LDLRAD4: variants seen among roughly 807,000 people sequenced by gnomAD.
LDLRAD4 encodes the protein low-density lipoprotein receptor class A domain-containing protein 4.
Under a neutral mutation model 17.0 loss-of-function variants are expected in LDLRAD4, and 5 were observed. That is an observed-to-expected ratio of 0.29 (90% CI 0.15 to 0.62). LDLRAD4 has a LOEUF of 0.62. LDLRAD4 is among the 20% of genes least tolerant of loss of function. LDLRAD4 has a pLI of 0.84. For missense variants in LDLRAD4, 340 were observed against 424.7 expected (o/e 0.80, Z 1.75); for synonymous variants, 168 against 171.8 (o/e 0.98, Z 0.17).
At position 13,367,363 on chromosome 18, in the gene LDLRAD4, CA is replaced by C. The variant is rs2084133848; in HGVS notation, c.-382-19977del. On this transcript the variant is annotated intron_variant, in intron 1 of 5. Transcript: ENST00000359446. This position sits in a 1 kb window ranked among gnomAD's most constrained non-coding sequence, Gnocchi z 4.1. The stretch of plus-strand genomic sequence containing the variant: ...GCCTGGGAGATGAGGTCCCGCTGTG[CA>C]GAACACACGGGGACTGGCAGGCAGG... Among the ~76,000 whole-genome samples the C allele has an allele frequency of 6.6e-6, 1 of 151,952 alleles. No homozygotes were observed. The highest frequency in any genetic ancestry group is 1.5e-5 in the Non-Finnish European group (1 of 67,978).
intron 3 of LDLRAD4, among the ~76,000 whole-genome samples, chr18:13,517,664 G>A (rs1352909429): frequency 3.3e-5 from 5 of 152,216 alleles, no homozygotes; most frequent in South Asian, 2.1e-4. Flanking sequence ...ACAGGTGGGA[G>A]AATATTTCGC....
intron 2 of LDLRAD4, among the ~76,000 whole-genome samples, chr18:13,406,167 C>G (rs57438491): frequency 0.44 from 66,205 of 152,064 alleles, 16,541 homozygotes; most frequent in Non-Finnish European, 0.55. Flanking sequence ...CCTGGGCCCC[C>G]TGGGGAGCAC....
Position 13,328,646 on chromosome 18 carries a change from G to A in LDLRAD4, c.-383+50458G>A, listed in dbSNP as rs148658653. The stretch of plus-strand genomic sequence containing the variant: ...AGCGTCAACTTTGTATAAGGCTCTG[G>A]GCTATCTTATATGATTGTCACAATA... On this transcript the variant is annotated intron_variant, in intron 1 of 5. Coordinates refer to ENST00000359446, the Ensembl canonical transcript of LDLRAD4. Among the ~76,000 whole-genome samples the A allele has an allele frequency of 4.9e-3, 752 of 152,186 alleles. 2 individuals carry two copies. The highest frequency in any genetic ancestry group is 8.0e-3 in the Admixed American group (122 of 15,286).
chr18:13,397,326 G>A (rs1242547271), intron 2 of LDLRAD4, among the ~76,000 whole-genome samples: 1 of 152,102 alleles, frequency 6.6e-6, no homozygotes, highest in Non-Finnish European at 1.5e-5. Flanking sequence ...TGTATTTTTA[G>A]TAGAGACAGA....
chr18:13,607,236 C>A (rs940855069), intron 3 of LDLRAD4, among the ~76,000 whole-genome samples: 1 of 152,154 alleles, frequency 6.6e-6, no homozygotes, highest in Non-Finnish European at 1.5e-5. Context: ...AAAAGACTCA[C>A]CCTCTCTGAG....
intron 3 of LDLRAD4, among the ~76,000 whole-genome samples, chr18:13,536,109 A>G (rs1456168915): frequency 6.6e-6 from 1 of 152,144 alleles, no homozygotes; most frequent in Non-Finnish European, 1.5e-5. Flanking sequence ...CCTTTTCAAG[A>G]CTATTTTGGC....
chr18:13,243,347 T>C (rs2042763939), intron 1 of LDLRAD4, among the ~76,000 whole-genome samples: 1 of 152,106 alleles, frequency 6.6e-6, no homozygotes, highest in African/African-American at 2.4e-5. Context: ...TGAGGAGGAT[T>C]AATGAGACAA....
chr18:13,287,205 ATATCT>A (rs1567969426), intron 1 of LDLRAD4, among the ~76,000 whole-genome samples: 1 of 152,226 alleles, frequency 6.6e-6, no homozygotes, highest in East Asian at 1.9e-4. Context: ...AAGTCTGCAA[ATATCT>A]TAGTATATCT....
chr18:13,284,013 A>AT (rs1208990103), intron 1 of LDLRAD4, among the ~76,000 whole-genome samples: 3 of 152,194 alleles, frequency 2.0e-5, no homozygotes, highest in African/African-American at 7.2e-5. Flanking sequence ...AAAGGCCCTC[A>AT]TAATTCAATT....
intron 1 of LDLRAD4, among the ~76,000 whole-genome samples, chr18:13,340,457 T>C (rs2082315893): frequency 6.6e-6 from 1 of 152,192 alleles, no homozygotes; most frequent in Non-Finnish European, 1.5e-5. Context: ...CACGTTAATA[T>C]GTTTTTGATT....
intron 3 of LDLRAD4, among the ~76,000 whole-genome samples, chr18:13,586,586 T>G (rs2094938793): frequency 6.6e-6 from 1 of 151,634 alleles, no homozygotes; most frequent in Non-Finnish European, 1.5e-5. Flanking sequence ...GATCTCTGAC[T>G]TTAAGGCAAG....
intron 3 of LDLRAD4, among the ~76,000 whole-genome samples, chr18:13,539,000 A>C (rs1435845047): frequency 1.3e-5 from 2 of 152,146 alleles, no homozygotes; most frequent in Non-Finnish European, 2.9e-5. Flanking sequence ...CTTGGCTCTT[A>C]ATGAGAAATT....
At chr18:13,431,976 C>A (rs183721604) in intron 2 of LDLRAD4, among the ~76,000 whole-genome samples, 56 of 152,330 alleles carry the variant, frequency 3.7e-4, no homozygotes, top group Admixed American at 2.2e-3. Context: ...GGTGCCTTTA[C>A]GCCGAGGTTG....
rs74960718 is a variant in LDLRAD4, at chr18:13,635,650, G to A, written c.337-7709G>A. 3.5e-3 allele frequency among the ~76,000 whole-genome samples: 534 copies of A among 152,340 alleles called. 3 individuals are homozygous for A. The highest frequency in any genetic ancestry group is 0.012 in the African/African-American group (506 of 41,586). On this transcript the variant is annotated intron_variant, in intron 4 of 5. Coordinates refer to ENST00000359446, the Ensembl canonical transcript of LDLRAD4. ...ACTGACCATTCAGAAGGAAGAAAAT[G>A]TGAAACAGATTGCTCAAGTGTAAAG...
intron 3 of LDLRAD4, among the ~76,000 whole-genome samples, chr18:13,595,540 G>T (rs994466460): frequency 7.9e-5 from 12 of 152,094 alleles, no homozygotes; most frequent in Admixed American, 7.9e-4. Context: ...TTTGAGATGA[G>T]GTCTCACTAT....
intron 3 of LDLRAD4, among the ~76,000 whole-genome samples, chr18:13,476,024 T>G (rs1206330428): frequency 6.6e-6 from 1 of 151,776 alleles, no homozygotes; most frequent in Non-Finnish European, 1.5e-5. Flanking sequence ...TAGAATGGGG[T>G]GTTTGTCAGG....
chr18:13,262,270 G>A (rs1263522159), intron 1 of LDLRAD4, among the ~76,000 whole-genome samples: 1 of 148,640 alleles, frequency 6.7e-6, no homozygotes, highest in East Asian at 2.0e-4. Context: ...ACTGAGTCCC[G>A]TGTGGCCCTG....
chr18:13,354,784 T>A (rs867847860), intron 1 of LDLRAD4, among the ~76,000 whole-genome samples: 7 of 152,150 alleles, frequency 4.6e-5, no homozygotes, highest in African/African-American at 1.7e-4. Context: ...CAATGTGCAG[T>A]TTGGTCGGCA....
At chr18:13,317,636 C>T (rs1369706920) in intron 1 of LDLRAD4, among the ~76,000 whole-genome samples, 2 of 152,172 alleles carry the variant, frequency 1.3e-5, no homozygotes, top group Admixed American at 1.3e-4. Flanking sequence ...TTGAACCTGG[C>T]AACATTCAAG....
Sources: allele counts gnomAD v4.1 joint callset (sites outside exome capture counted in the v4.1 genomes callset), GRCh38; gene constraint gnomAD v4.1.1; non-coding constraint Gnocchi (gnomAD v3.1); transcripts MANE v1.5; gene names NCBI Gene and HGNC (gene_info 2026-07-23, HGNC 2026-07-21).